The following TMCO4 variants were observed in gnomAD, a reference collection of about 807,000 sequenced individuals.
The protein encoded by TMCO4 is transmembrane and coiled-coil domain-containing protein 4.
Under a neutral mutation model 64.7 loss-of-function variants are expected in TMCO4, and 58 were observed. That is an observed-to-expected ratio of 0.90 (90% CI 0.73 to 1.12). TMCO4 has a LOEUF of 1.12. Among genes scored for constraint, TMCO4 ranks in the 50% most tolerant of loss-of-function variants. The pLI is 0.00. For synonymous variants in TMCO4, 325 were observed against 346.1 expected (o/e 0.94, Z 0.68); for missense variants, 780 against 825.9 (o/e 0.94, Z 0.68).
At chr1:19,774,214 C>T (rs1446721401) in intron 4 of TMCO4, among the ~76,000 whole-genome samples, 3 of 152,174 alleles carry the variant, frequency 2.0e-5, no homozygotes, top group Admixed American at 6.5e-5. Flanking sequence ...AATTTATATA[C>T]AGAAAGGGCT....
intron 14 of TMCO4, among the ~76,000 whole-genome samples, chr1:19,695,880 C>A (rs1317599193): frequency 6.6e-6 from 1 of 152,144 alleles, no homozygotes; most frequent in Non-Finnish European, 1.5e-5. Flanking sequence ...CCCAGTCCTT[C>A]AAGTAGAAAC....
intron 6 of TMCO4, among the ~76,000 whole-genome samples, chr1:19,761,544 T>G (rs900257229): frequency 1.3e-5 from 2 of 152,216 alleles, no homozygotes; most frequent in African/African-American, 4.8e-5. Flanking sequence ...AGGAGAGACC[T>G]TTAAAGCCCA....
At chr1:19,753,175 G>A (rs922657435) in intron 7 of TMCO4, among the ~76,000 whole-genome samples, 1 of 151,972 alleles carries the variant, frequency 6.6e-6, no homozygotes, top group African/African-American at 2.4e-5. Flanking sequence ...GGTCAGGCTG[G>A]TCTCGAACTC....
At chr1:19,728,198 C>T (rs1489871765) in intron 13 of TMCO4, among the ~76,000 whole-genome samples, 1 of 152,100 alleles carries the variant, frequency 6.6e-6, no homozygotes, top group Non-Finnish European at 1.5e-5. Context: ...TACCCCAGAA[C>T]CTAAAATAAA....
chr1:19,737,538 GCA>G, intron 12 of TMCO4, 82 bp from the exon 13 acceptor site: 1 of 1,259,070 alleles, frequency 7.9e-7, no homozygotes, highest in Non-Finnish European at 1.1e-6. Flanking sequence ...GGCAGCCTTT[GCA>G]CATTCCTTAC....
At chr1:19,781,822 A>AT (rs2043499077) in intron 3 of TMCO4, among the ~76,000 whole-genome samples, 1 of 151,924 alleles carries the variant, frequency 6.6e-6, no homozygotes, top group East Asian at 1.9e-4. Flanking sequence ...AACTTTTTGT[A>AT]TTTTTAGTAG....
At chr1:19,780,826 A>G in intron 3 of TMCO4, 60 bp from the exon 4 acceptor site, 1 of 1,375,546 alleles carries the variant, frequency 7.3e-7, no homozygotes, top group Non-Finnish European at 9.7e-7. Context: ...TTACTTAAGC[A>G]TGACACAGAA....
chr1:19,799,672 C>G (rs2044505902), intron 1 of TMCO4, among the ~76,000 whole-genome samples, 183 bp downstream of exon 1: 1 of 152,216 alleles, frequency 6.6e-6, no homozygotes, highest in East Asian at 1.9e-4. Context: ...TTAGGGCAGG[C>G]AGCGCCAGGG....
intron 13 of TMCO4, among the ~76,000 whole-genome samples, chr1:19,727,737 T>G (rs1470896590): frequency 2.0e-5 from 3 of 152,186 alleles, no homozygotes; most frequent in Non-Finnish European, 4.4e-5. Context: ...ATAAATCGTG[T>G]TAAAGATACA....
chr1:19,766,652 C>T (rs547864327), intron 6 of TMCO4, among the ~76,000 whole-genome samples: 12 of 152,294 alleles, frequency 7.9e-5, no homozygotes, highest in African/African-American at 2.9e-4. Flanking sequence ...TCCTCACCGC[C>T]ACCCTACAAG....
chr1:19,799,543 C>G (rs1440956840), intron 1 of TMCO4, among the ~76,000 whole-genome samples: 1 of 152,252 alleles, frequency 6.6e-6, no homozygotes, highest in Non-Finnish European at 1.5e-5. Context: ...AACTCGGAGG[C>G]CGAGGCCGGA....
chr1:19,692,608 G>A (rs904910252), intron 15 of TMCO4, among the ~76,000 whole-genome samples: 1 of 151,504 alleles, frequency 6.6e-6, no homozygotes, highest in Non-Finnish European at 1.5e-5. Flanking sequence ...TTAGATGGGC[G>A]TGGTGGCAGG....
chr1:19,721,673 C>T (rs987535345), intron 13 of TMCO4, among the ~76,000 whole-genome samples: 2 of 152,024 alleles, frequency 1.3e-5, no homozygotes, highest in African/African-American at 4.8e-5. Flanking sequence ...CCTGTAGTCC[C>T]AGCTACTTGG....
At chr1:19,723,457 T>C (rs1199974831) in intron 13 of TMCO4, among the ~76,000 whole-genome samples, 1 of 152,230 alleles carries the variant, frequency 6.6e-6, no homozygotes, top group Non-Finnish European at 1.5e-5. Context: ...GCACAGCTTC[T>C]TCCCTGGGGG....
intron 14 of TMCO4, among the ~76,000 whole-genome samples, chr1:19,696,400 A>T (rs894405295): frequency 6.7e-6 from 1 of 149,244 alleles, no homozygotes; most frequent in Non-Finnish European, 1.5e-5. Context: ...ACACACAAAA[A>T]TTAGCTGGGC....
chr1:19,790,838 A>G (rs2043994482), intron 2 of TMCO4, among the ~76,000 whole-genome samples: 2 of 152,224 alleles, frequency 1.3e-5, no homozygotes, highest in South Asian at 2.1e-4. Context: ...AAATCATTCT[A>G]TTACAAAGAT....
At position 19,771,469 on chromosome 1, in the gene TMCO4, C is replaced by A. The variant is rs756406801; in HGVS notation, c.193G>T (p.Glu65Ter). 1 of 1,614,036 alleles carries A rather than the reference C, an allele frequency of 6.2e-7. No homozygotes were observed. Among genetic ancestry groups the A allele is most frequent in the Non-Finnish European group, 8.5e-7 (1 of 1,180,006 alleles). The stretch of plus-strand genomic sequence containing the variant: ...CACTGCACCAGGCCTGCCATGAACT[C>A]TGTGCAGAAGGAGCTGAAAGGCAGA... ...PEPEHSSFCT[E>*]FMAGLVQWLE... The change falls in exon 5 of 16, where the codon GAG becomes TAG. Residue 65 changes from glutamate (E) to a stop codon, truncating the protein, a stop_gained. Coordinates refer to ENST00000294543, the MANE Select transcript of TMCO4 (RefSeq NM_181719.7). LOFTEE classifies it high-confidence loss of function.
intron 6 of TMCO4, among the ~76,000 whole-genome samples, chr1:19,766,424 C>T (rs1218342957): frequency 6.6e-6 from 1 of 152,202 alleles, no homozygotes; most frequent in East Asian, 1.9e-4. Flanking sequence ...ACATTTGGCT[C>T]TTGCCCCTTA....
intron 4 of TMCO4, among the ~76,000 whole-genome samples, chr1:19,771,878 G>C (rs779487973): frequency 6.6e-5 from 10 of 152,070 alleles, no homozygotes; most frequent in Non-Finnish European, 1.3e-4. Context: ...GGCTGGTCTT[G>C]AACTCCTGAC....
Sources: gnomAD v4.1 joint callset for allele counts (sites outside exome capture counted in the v4.1 genomes callset) on GRCh38, gnomAD v4.1.1 for gene constraint, MANE v1.5 for transcripts, NCBI Gene and HGNC (gene_info 2026-07-23, HGNC 2026-07-21) for gene names.